Variants in SLC22A17 observed in about 807,000 individuals in gnomAD.
The protein encoded by SLC22A17 is 24p3 receptor.
A neutral mutation model predicts 53.6 loss-of-function variants in SLC22A17; 38 were observed. The observed-to-expected ratio is 0.71, with a 90% confidence interval of 0.55 to 0.93. The LOEUF is 0.93. Among genes scored for constraint, SLC22A17 ranks in the 40% least tolerant of loss-of-function variants. The pLI is 0.00. For synonymous variants in SLC22A17, 379 were observed against 353.0 expected, an observed-to-expected ratio of 1.07 and a Z score of -0.82; for missense variants, 704 against 791.0, an observed-to-expected ratio of 0.89 and a Z score of 1.32.
chr14:23,346,976 G>C (rs966955036), intron 9 of SLC22A17, 40 bp from the exon 10 acceptor site: 2 of 1,500,630 alleles, frequency 1.3e-6, no homozygotes, highest in Admixed American at 4.3e-5. Context: ...CACAGCTGTA[G>C]CCTTGCTGGG....
chr14:23,346,720 G>A (rs764958129), exon 10 of SLC22A17: 3 of 1,545,976 alleles, frequency 1.9e-6, no homozygotes, highest in Non-Finnish European at 2.6e-6. Flanking sequence ...GCCGCAGCAG[G>A]GAAGGCCGGC....
In SLC22A17 at chr14:23,348,115, C is replaced by A. The variant is rs145403009; in HGVS notation, c.1171+46G>T. 6.2e-7 allele frequency: 1 copy of A among 1,611,376 alleles called. No homozygotes were observed. The highest frequency in any genetic ancestry group is 1.7e-4 in the Middle Eastern group (1 of 6,036). On this transcript the variant is annotated intron_variant, in intron 6 of 9. Transcript: ENST00000397267. This position sits in a 1 kb window ranked among gnomAD's most constrained non-coding sequence, Gnocchi z 4.5. ...GCTACAGCCATGCAGAGGGCACCAT[C>A]ATGTGTGCAAGTGAGGCAACACTCA...
chr14:23,349,105 T>A (rs1214436101), intron 4 of SLC22A17, 167 bp downstream of exon 4: 2 of 810,880 alleles, frequency 2.5e-6, no homozygotes, highest in East Asian at 5.2e-5. Context: ...GGGAGATAGG[T>A]GTAGAGAGAA....
Position 23,347,229 on chromosome 14 carries a change from G to C in SLC22A17, c.1550-17C>G. On this transcript the variant is annotated splice_polypyrimidine_tract_variant and intron_variant, in intron 8 of 9. Transcript: ENST00000397267. The surrounding 1 kb of genome is among the most constrained non-coding windows in gnomAD (Gnocchi z 5.1). ...CGTTCAGATCTGCAGAAGCAAGAGG[G>C]ATGATATGAATGCAGGTGGGGAGGT... 6.2e-7 allele frequency: 1 copy of C among 1,604,672 alleles called. No individual in the cohort carries two copies. The highest frequency in any genetic ancestry group is 8.5e-7 in the Non-Finnish European group (1 of 1,173,772).
chr14:23,346,402 G>C (rs1350241097), exon 10 of SLC22A17: 2 of 461,384 alleles, frequency 4.3e-6, no homozygotes, highest in African/African-American at 2.0e-5. Flanking sequence ...TTGGGCGCAG[G>C]ATGGAGCCCA....
Position 23,348,966 on chromosome 14 carries a change from T to C in SLC22A17, c.860-295A>G. 1.7e-6 allele frequency: 1 copy of C among 590,590 alleles called. No homozygotes were observed. Among genetic ancestry groups the C allele is most frequent in the Non-Finnish European group, 3.0e-6 (1 of 332,484 alleles). The allele number at this position is 590,590 out of a possible 1,614,324, so 36.6% of individuals were successfully genotyped here. A position where few individuals can be genotyped will look rare whatever the true frequency, so the allele number is the denominator to read the frequency against. ...TCAGGCCTCTTATTTGACCTTCACA[T>C]CAACCCTTGTCCAAGGTCACACAGC... On this transcript the variant is annotated intron_variant, in intron 4 of 9. Coordinates refer to ENST00000397267, the Ensembl canonical transcript of SLC22A17. This position sits in a 1 kb window ranked among gnomAD's most constrained non-coding sequence, Gnocchi z 4.5.
chr14:23,352,126 G>A lies in SLC22A17; in HGVS notation c.422C>T (p.Pro141Leu). 3 of 1,579,628 alleles carry A rather than the reference G, an allele frequency of 1.9e-6. No individual in the cohort carries two copies. The highest frequency in any genetic ancestry group is 2.6e-6 in the Non-Finnish European group (3 of 1,164,618). Residue 141 changes from proline to leucine, a missense_variant, in exon 2 of 10, where the codon CCT becomes CTT. Pro to Leu is a moderately conservative substitution (Grantham distance 98). Transcript: ENST00000397267. This position sits in a 1 kb window ranked among gnomAD's most constrained non-coding sequence, Gnocchi z 7.2. ...GACGCTGACGCCGCTGGCATTGGGA[G>A]GCTGCTCCCAGCCAGAGGCATTAGG... is the stretch of plus-strand genomic sequence containing the variant.
Position 23,348,796 on chromosome 14 carries a change from C to G in SLC22A17, c.860-125G>C. ...GTCAGACCCAGAGTGGAGGCTGCAG[C>G]CATTGCCTCCCTTGCTAACCTCTGG... On this transcript the variant is annotated intron_variant, in intron 4 of 9. Coordinates refer to ENST00000397267, the Ensembl canonical transcript of SLC22A17. This position sits in a 1 kb window ranked among gnomAD's most constrained non-coding sequence, Gnocchi z 4.5. 9.9e-7 allele frequency: 1 copy of G among 1,014,382 alleles called. No homozygotes were observed. The highest frequency in any genetic ancestry group is 1.4e-6 in the Non-Finnish European group (1 of 713,108). The allele number at this position is 1,014,382 out of a possible 1,614,324, so 62.8% of individuals were successfully genotyped here.
At chr14:23,349,717 G>A in intron 3 of SLC22A17, 2 of 484,172 alleles carry the variant, frequency 4.1e-6, no homozygotes, top group Admixed American at 3.5e-5. Flanking sequence ...ACTCAACAGA[G>A]GGGATGGGAT....
chr14:23,351,931 C>T lies in SLC22A17; in HGVS notation c.600+17G>A, dbSNP rs763359500. ...CTCTGCCCGCCCCCAGACCCGCGGC[C>T]CGCCTGGCCGCCTCACCTGGCCGAT... is the stretch of plus-strand genomic sequence containing the variant. On this transcript the variant is annotated intron_variant, in intron 2 of 9. Coordinates refer to ENST00000397267, the Ensembl canonical transcript of SLC22A17. The T allele has an allele frequency of 1.2e-6, 2 of 1,611,510 alleles. No homozygotes were observed. Among genetic ancestry groups the T allele is most frequent in the Middle Eastern group, 1.7e-4 (1 of 6,058 alleles).
intron 3 of SLC22A17, chr14:23,351,137 C>T (rs1277236969): frequency 1.3e-5 from 2 of 152,130 alleles, no homozygotes; most frequent in Admixed American, 6.6e-5. Flanking sequence ...ACGGGGATTT[C>T]GGTGAGAGGA....
chr14:23,347,452 T>G lies in SLC22A17; in HGVS notation c.1549+8A>C. Reference sequence around the variant, plus strand: ...GCCAGAAGAAATGGCTGTGCCTGTCTGAAGCACCTCTGTTGGGGTTCCCTT... The same window carrying G: ...GCCAGAAGAAATGGCTGTGCCTGTCGGAAGCACCTCTGTTGGGGTTCCCTT... On this transcript the variant is annotated splice_region_variant and intron_variant, in intron 8 of 9. Transcript: ENST00000397267. The surrounding 1 kb of genome is among the most constrained non-coding windows in gnomAD (Gnocchi z 5.1). 1 of 1,612,082 alleles carries G rather than the reference T, an allele frequency of 6.2e-7. No individual in the cohort carries two copies. Among genetic ancestry groups the G allele is most frequent in the South Asian group, 1.1e-5 (1 of 90,862 alleles).
chr14:23,346,746 C>A, exon 10 of SLC22A17: 4 of 1,545,206 alleles, frequency 2.6e-6, no homozygotes, highest in Non-Finnish European at 3.5e-6. Context: ...AGCTCCCCGT[C>A]CCGGAGCACC....
chr14:23,347,150 C>A lies in SLC22A17; in HGVS notation c.1612G>T (p.Ala538Ser), dbSNP rs745343728. ...GCAGCAAGGAGGGTGCTGAGGATGG[C>A]GGCAGCTTGGGAGGAGAAGAGCCCA... Residue 538 changes from alanine to serine, a missense_variant, in exon 9 of 10, where the codon GCC (alanine) becomes TCC (serine). Around this residue, in one of 4 missense-constraint regions of SLC22A17, gnomAD observed 196 missense variants for 171.5 expected, o/e 1.14. Transcript: ENST00000397267. The surrounding 1 kb of genome is among the most constrained non-coding windows in gnomAD (Gnocchi z 5.1). 1.2e-6 allele frequency: 2 copies of A among 1,613,802 alleles called. No homozygotes were observed. Among genetic ancestry groups the A allele is most frequent in the African/African-American group, 1.3e-5 (1 of 74,924 alleles).
rs1228840513 is a variant in SLC22A17, at chr14:23,347,236, T to G, written c.1550-24A>C. ...ATCTGCAGAAGCAAGAGGGATGATA[T>G]GAATGCAGGTGGGGAGGTCAAGGCT... On this transcript the variant is annotated intron_variant, in intron 8 of 9. Transcript: ENST00000397267. The surrounding 1 kb of genome is among the most constrained non-coding windows in gnomAD (Gnocchi z 5.1). 6.3e-7 allele frequency: 1 copy of G among 1,596,170 alleles called. No homozygotes were observed. The highest frequency in any genetic ancestry group is 8.6e-7 in the Non-Finnish European group (1 of 1,167,970).
chr14:23,352,516 G>A lies in SLC22A17; in HGVS notation c.97-65C>T. On this transcript the variant is annotated intron_variant, in intron 1 of 9. Transcript: ENST00000397267. The surrounding 1 kb of genome is among the most constrained non-coding windows in gnomAD (Gnocchi z 7.2). The stretch of plus-strand genomic sequence containing the variant: ...GAGGAAACCGCAGAGCAAGGGCAGG[G>A]GGCAGGTGGGAGGGAGGGCTAGGAA... 2.4e-6 allele frequency: 1 copy of A among 418,554 alleles called. No individual in the cohort carries two copies. The allele number at this position is 418,554 out of a possible 1,614,324, so 25.9% of individuals were successfully genotyped here. A position where few individuals can be genotyped will look rare whatever the true frequency, so the allele number is the denominator to read the frequency against.
chr14:23,352,348 C>T lies in SLC22A17; in HGVS notation c.200G>A (p.Ser67Asn). ...TGGGGGCACGGCCAGCGACAGGCTG[C>T]TGCCCAGTCCGTCGCCGCCCGCGTC... The change falls in exon 2 of 10, where the codon AGC becomes AAC. Residue 67 changes from serine to asparagine, a missense_variant. Ser to Asn is a conservative substitution (Grantham distance 46). This residue lies in a region of SLC22A17 where 42 missense variants were observed against 28.2 expected (regional missense o/e 1.49). Coordinates refer to ENST00000397267, the Ensembl canonical transcript of SLC22A17. The surrounding 1 kb of genome is among the most constrained non-coding windows in gnomAD (Gnocchi z 7.2). 1.9e-6 allele frequency: 2 copies of T among 1,039,564 alleles called. No homozygotes were observed. The highest frequency in any genetic ancestry group is 2.6e-6 in the Non-Finnish European group (2 of 774,318). The allele number at this position is 1,039,564 out of a possible 1,614,324, so 64.4% of individuals were successfully genotyped here. A position where few individuals can be genotyped will look rare whatever the true frequency, so the allele number is the denominator to read the frequency against.
At position 23,348,764 on chromosome 14, in the gene SLC22A17, G is replaced by C; in HGVS notation, c.860-93C>G. ...AGAAAGAGGGAGGGAGGAGGACAGA[G>C]AGAGAGGTCAGACCCAGAGTGGAGG... On this transcript the variant is annotated intron_variant, in intron 4 of 9. Coordinates refer to ENST00000397267, the Ensembl canonical transcript of SLC22A17. This position sits in a 1 kb window ranked among gnomAD's most constrained non-coding sequence, Gnocchi z 4.5. 7.3e-7 allele frequency: 1 copy of C among 1,362,288 alleles called. No individual in the cohort carries two copies. The highest frequency in any genetic ancestry group is 9.8e-7 in the Non-Finnish European group (1 of 1,016,434). 84.4% of individuals were successfully genotyped at this position (1,362,288 alleles called of 1,614,324 possible). A position where few individuals can be genotyped will look rare whatever the true frequency, so the allele number is the denominator to read the frequency against.
In SLC22A17 at chr14:23,352,430, C is replaced by A; in HGVS notation, c.118G>T (p.Ala40Ser). Residue 40 changes from alanine (A) to serine (S), a missense_variant, in exon 2 of 10, where the codon GCG becomes TCG. Ala to Ser is a moderately conservative substitution (Grantham distance 99). Around this residue, in one of 4 missense-constraint regions of SLC22A17, gnomAD observed 42 missense variants for 28.2 expected, o/e 1.49. Transcript: ENST00000397267. This position sits in a 1 kb window ranked among gnomAD's most constrained non-coding sequence, Gnocchi z 7.2. ...CCCTGCAGCTGCTCCGTGGGCACCGCATCTCCGAGGGTCCCGACCTGCTGT... is the reference window on the plus strand; with the variant it reads ...CCCTGCAGCTGCTCCGTGGGCACCGAATCTCCGAGGGTCCCGACCTGCTGT... 1 of 484,380 alleles carries A rather than the reference C, an allele frequency of 2.1e-6. No homozygotes were observed. Among genetic ancestry groups the A allele is most frequent in the Non-Finnish European group, 3.5e-6 (1 of 284,186 alleles). The allele number at this position is 484,380 out of a possible 1,614,324, so 30.0% of individuals were successfully genotyped here. A position where few individuals can be genotyped will look rare whatever the true frequency, so the allele number is the denominator to read the frequency against.
Sources: gnomAD v4.1 joint callset for allele counts on GRCh38, gnomAD v4.1.1 for gene constraint, gnomAD v4.1.1 regional missense constraint, Gnocchi (gnomAD v3.1) non-coding constraint, MANE v1.5 for transcripts, NCBI Gene and HGNC (gene_info 2026-07-23, HGNC 2026-07-21) for gene names.